WDR89: variants seen among roughly 807,000 people sequenced by gnomAD.
WDR89 encodes WD repeat-containing protein 89.
A neutral mutation model predicts 29.1 loss-of-function variants in WDR89; 17 were observed. That is an observed-to-expected ratio of 0.58 (90% CI 0.40 to 0.88). The LOEUF (loss-of-function observed/expected upper bound fraction) is 0.88, where lower values mean the gene tolerates loss of function less well. Among genes scored for constraint, WDR89 ranks in the 40% least tolerant of loss-of-function variants. The probability of loss-of-function intolerance (pLI) is 0.00; values close to 1 mark genes in which losing one functional copy is unlikely to be tolerated. For missense variants in WDR89, 396 were observed against 456.3 expected, an observed-to-expected ratio of 0.87 and a Z score of 1.20; for synonymous variants, 138 against 157.8, an observed-to-expected ratio of 0.87 and a Z score of 0.94.
intron 1 of WDR89, among the ~76,000 whole-genome samples, chr14:63,640,837 C>T (rs1030426779): frequency 1.3e-5 from 2 of 149,776 alleles, no homozygotes; most frequent in African/African-American, 4.9e-5. Context: ...GTGGCTCACG[C>T]CTGTAATCCC....
chr14:63,631,725 G>A (rs962548718), intron 1 of WDR89, among the ~76,000 whole-genome samples: 1 of 152,010 alleles, frequency 6.6e-6, no homozygotes, highest in African/African-American at 2.4e-5. Context: ...GTGAAGCTTG[G>A]CACTGACTCG....
At position 63,597,485 on chromosome 14, in the gene WDR89, TTC is replaced by T. The variant is rs1894850179; in HGVS notation, c.*1292_*1293del. The stretch of plus-strand genomic sequence containing the variant: ...ATTTATCTTCTGTGGCTTTCATCTT[TTC>T]TCTTTGTCTCTTTCAGTTCTACTTT... On this transcript the variant is annotated 3_prime_UTR_variant, in exon 3 of 3. Coordinates refer to ENST00000620954, the MANE Select transcript of WDR89 (RefSeq NM_080666.4). The T allele has an allele frequency of 6.6e-6, 1 of 152,244 alleles. No homozygotes were observed. The highest frequency in any genetic ancestry group is 1.5e-5 in the Non-Finnish European group (1 of 68,046). 9.4% of individuals were successfully genotyped at this position (152,244 alleles called of 1,614,324 possible).
intron 2 of WDR89, among the ~76,000 whole-genome samples, chr14:63,609,792 A>AAAAAC (rs1351051840): frequency 6.6e-6 from 1 of 152,096 alleles, no homozygotes; most frequent in Non-Finnish European, 1.5e-5. Flanking sequence ...GTCTCAACAA[A>AAAAAC]AAAATAAAAT....
chr14:63,641,462 G>A (rs1394423090), intron 1 of WDR89: 1 of 152,254 alleles, frequency 6.6e-6, no homozygotes, highest in African/African-American at 2.4e-5. Context: ...TCCGTGGAGA[G>A]GAAAGAGCAG....
chr14:63,617,466 GGT>G (rs1882391518), intron 2 of WDR89, among the ~76,000 whole-genome samples: 1 of 151,760 alleles, frequency 6.6e-6, no homozygotes, highest in African/African-American at 2.4e-5. Context: ...GATAAACTGT[GGT>G]ATGTTAATAC....
chr14:63,636,714 T>C (rs1883762172), intron 1 of WDR89, among the ~76,000 whole-genome samples: 2 of 152,136 alleles, frequency 1.3e-5, no homozygotes, highest in Non-Finnish European at 2.9e-5. Flanking sequence ...GCTAGCCACA[T>C]GGAGGAAAAA....
intron 1 of WDR89, among the ~76,000 whole-genome samples, chr14:63,637,294 A>G (rs1413909649): frequency 6.6e-6 from 1 of 152,208 alleles, no homozygotes; most frequent in Non-Finnish European, 1.5e-5. Flanking sequence ...TAAACAGGGA[A>G]CACTTCCGCA....
Position 63,636,532 on chromosome 14 carries a change from T to A in WDR89, c.-138+5272A>T, listed in dbSNP as rs147108475. ...TTCAAACTATACCATAAGGCCATAG[T>A]CACCAAAACAGCATGGTACTGGTAT... On this transcript the variant is annotated intron_variant, in intron 1 of 2. Transcript: ENST00000620954. Among the ~76,000 whole-genome samples the A allele has an allele frequency of 1.5e-3, 229 of 152,318 alleles. 1 individual carries two copies. Among genetic ancestry groups the A allele is most frequent in the African/African-American group, 5.3e-3 (221 of 41,570 alleles).
chr14:63,617,149 C>T (rs71416304), intron 2 of WDR89, among the ~76,000 whole-genome samples: 2 of 145,844 alleles, frequency 1.4e-5, no homozygotes, highest in African/African-American at 5.1e-5. Flanking sequence ...GGCGCGATCT[C>T]GGCTCACTAC....
chr14:63,610,359 A>G (rs1881883139), intron 2 of WDR89, among the ~76,000 whole-genome samples: 3 of 152,288 alleles, frequency 2.0e-5, no homozygotes, highest in South Asian at 4.1e-4. Context: ...ACAGAACTCA[A>G]GTATAACATA....
chr14:63,619,483 G>GA (rs531525932), intron 2 of WDR89, among the ~76,000 whole-genome samples: 28 of 151,892 alleles, frequency 1.8e-4, no homozygotes, highest in Admixed American at 1.8e-3. Flanking sequence ...GCAAAAAACA[G>GA]AAAAAAACCC....
At chr14:63,612,712 C>A in intron 2 of WDR89, among the ~76,000 whole-genome samples, 1 of 152,064 alleles carries the variant, frequency 6.6e-6, no homozygotes, top group Non-Finnish European at 1.5e-5. Flanking sequence ...CTCACGAATA[C>A]TCCCAAATTT....
At chr14:63,616,419 A>G (rs529650135) in intron 2 of WDR89, among the ~76,000 whole-genome samples, 50 of 152,312 alleles carry the variant, frequency 3.3e-4, no homozygotes, top group African/African-American at 1.2e-3. Context: ...CCAATAACTA[A>G]TTATAATAAT....
Position 63,598,781 on chromosome 14 carries a change from A to C in WDR89, c.1162T>G (p.Ter388GlyextTer1), listed in dbSNP as rs1894902777. 1.3e-6 allele frequency: 2 copies of C among 1,576,216 alleles called. No individual in the cohort carries two copies. Among genetic ancestry groups the C allele is most frequent in the African/African-American group, 2.7e-5 (2 of 73,508 alleles). Residue 388 changes from the stop codon to glycine (G), a stop_lost, in exon 3 of 3, where the codon TGA (stop) becomes GGA (glycine). Coordinates refer to ENST00000620954, the MANE Select transcript of WDR89 (RefSeq NM_080666.4). ...CAAACAAAGTGCCAAATGCATTATC[A>C]CTGCTTTTTCCTTCTTTTATAAGAA... ...NDSYKRRKKQ[*>G] is the part of the protein sequence containing the mutation.
At chr14:63,638,297 A>G (rs1883878408) in intron 1 of WDR89, among the ~76,000 whole-genome samples, 1 of 152,228 alleles carries the variant, frequency 6.6e-6, no homozygotes, top group African/African-American at 2.4e-5. Context: ...GAAAATTACA[A>G]GAAGCTACAT....
Position 63,599,844 on chromosome 14 carries a change from C to CTT in WDR89, c.97_98dup (p.Thr34ArgfsTer28). ...AGTTTTCCTTTCCTGCTTGGACAGTCTTTGATGTGTCTATACCAAGAAGGT... is the reference window on the plus strand; with the variant it reads ...AGTTTTCCTTTCCTGCTTGGACAGTCTTTTTGATGTGTCTATACCAAGAAGGT... On this transcript the variant is annotated frameshift_variant, in exon 3 of 3. Coordinates refer to ENST00000620954, the MANE Select transcript of WDR89 (RefSeq NM_080666.4). LOFTEE classifies it high-confidence loss of function. 6.2e-7 allele frequency: 1 copy of CTT among 1,614,114 alleles called. No homozygotes were observed.
intron 1 of WDR89, among the ~76,000 whole-genome samples, chr14:63,640,549 C>T (rs1023792064): frequency 2.6e-5 from 4 of 151,328 alleles, no homozygotes; most frequent in Non-Finnish European, 4.4e-5. Flanking sequence ...AGTACAGTAG[C>T]ACGATCTTGG....
intron 2 of WDR89, among the ~76,000 whole-genome samples, chr14:63,619,344 T>C (rs372402566): frequency 1.3e-4 from 20 of 152,246 alleles, no homozygotes; most frequent in African/African-American, 4.3e-4. Flanking sequence ...CACAGTCTGA[T>C]AGAAGCACAG....
intron 2 of WDR89, among the ~76,000 whole-genome samples, chr14:63,624,428 C>T (rs947264025): frequency 4.0e-5 from 6 of 149,788 alleles, no homozygotes; most frequent in African/African-American, 1.2e-4. Context: ...GATTGCATCA[C>T]TGCCACTTCA....
Sources: allele counts gnomAD v4.1 joint callset (sites outside exome capture counted in the v4.1 genomes callset), GRCh38; gene constraint gnomAD v4.1.1; transcripts MANE v1.5; gene names NCBI Gene and HGNC (gene_info 2026-07-23, HGNC 2026-07-21).